The following ROCK1 variants were observed in gnomAD, a reference collection of about 807,000 sequenced individuals.
ROCK1 encodes rho-associated protein kinase 1.
A neutral mutation model predicts 196.8 loss-of-function variants in ROCK1; 36 were observed. The ratio of observed to expected loss-of-function variants is 0.18; its 90% CI spans 0.14 to 0.24. The LOEUF (loss-of-function observed/expected upper bound fraction) is 0.24, where lower values mean the gene tolerates loss of function less well. Ranked by LOEUF, ROCK1 falls within the 10% of genes least tolerant of loss-of-function variation. The pLI is 1.00. For missense variants in ROCK1, 920 were observed against 1,562.0 expected (o/e 0.59, Z 6.93); for synonymous variants, 443 against 515.9 (o/e 0.86, Z 1.91).
chr18:21,044,057 C>G (rs925245740), intron 6 of ROCK1, 45 bp downstream of exon 6: 2 of 1,172,070 alleles, frequency 1.7e-6, no homozygotes, highest in African/African-American at 3.1e-5. Flanking sequence ...AAAGAAGCAT[C>G]TACCTTGAAT....
chr18:21,035,342 G>C (rs146211613), intron 9 of ROCK1, among the ~76,000 whole-genome samples: 266 of 152,254 alleles, frequency 1.7e-3, no homozygotes, highest in Non-Finnish European at 2.6e-3. Flanking sequence ...CAAATGTTGT[G>C]AATGTTATGG....
intron 2 of ROCK1, among the ~76,000 whole-genome samples, chr18:21,053,275 C>T (rs185269215): frequency 2.6e-5 from 4 of 151,690 alleles, no homozygotes; most frequent in African/African-American, 7.3e-5. Flanking sequence ...AACATTGCAG[C>T]CTCTTTTTTT....
chr18:21,067,132 G>A (rs1048984754), intron 2 of ROCK1, among the ~76,000 whole-genome samples: 5 of 152,066 alleles, frequency 3.3e-5, no homozygotes, highest in Admixed American at 6.5e-5. Context: ...AGGTGTACTA[G>A]TATCTTATTG....
intron 16 of ROCK1, among the ~76,000 whole-genome samples, chr18:20,996,105 A>G (rs577867366): frequency 6.6e-6 from 1 of 152,310 alleles, no homozygotes; most frequent in African/African-American, 2.4e-5. Flanking sequence ...AGACAGAGAT[A>G]TAAGACCTTT....
rs933735560 is a variant in ROCK1, at chr18:21,024,724, T to C, written c.1212-1044A>G. ...AAACATACACAGTACAATGGTACTA[T>C]AAAAGAAACAGCTAGAAATATGCCA... On this transcript the variant is annotated intron_variant, in intron 10 of 32. Transcript: ENST00000399799. Among the ~76,000 whole-genome samples the C allele has an allele frequency of 2.0e-5, 3 of 152,338 alleles. No individual in the cohort carries two copies. The South Asian group carries it at 6.2e-4, about 32-fold the overall frequency.
At chr18:21,080,418 T>C (rs953069723) in intron 1 of ROCK1, among the ~76,000 whole-genome samples, 1 of 152,064 alleles carries the variant, frequency 6.6e-6, no homozygotes, top group African/African-American at 2.4e-5. Flanking sequence ...AAATTATATA[T>C]GACCAAAATG....
intron 3 of ROCK1, 120 bp from the exon 4 acceptor site, chr18:21,049,349 GTTA>G: frequency 1.3e-6 from 1 of 762,738 alleles, no homozygotes. Context: ...TACTGTTTCA[GTTA>G]TTTTTATTTC....
intron 1 of ROCK1, among the ~76,000 whole-genome samples, chr18:21,103,173 A>T (rs1436190538): frequency 6.6e-6 from 1 of 152,170 alleles, no homozygotes; most frequent in East Asian, 1.9e-4. Flanking sequence ...TAGATATACA[A>T]ATAAAAAATT....
chr18:20,992,039 C>CA (rs774712834), intron 17 of ROCK1, among the ~76,000 whole-genome samples: 3 of 152,132 alleles, frequency 2.0e-5, no homozygotes, highest in East Asian at 1.9e-4. Context: ...AAAAAACAAA[C>CA]AAAAAAACCC....
chr18:21,072,111 A>G (rs1453949748), intron 1 of ROCK1, among the ~76,000 whole-genome samples: 3 of 152,220 alleles, frequency 2.0e-5, no homozygotes, highest in East Asian at 3.8e-4. Flanking sequence ...CCCTTCCCCA[A>G]TGCAGTAATC....
At chr18:21,109,321 A>G (rs1187055449) in intron 1 of ROCK1, among the ~76,000 whole-genome samples, 2 of 152,212 alleles carry the variant, frequency 1.3e-5, no homozygotes, top group East Asian at 1.9e-4. Flanking sequence ...AAGCTATAGC[A>G]AGAGGCCAGA....
At chr18:20,979,877 A>G (rs1479860041) in intron 22 of ROCK1, 33 bp downstream of exon 22, 2 of 1,512,696 alleles carry the variant, frequency 1.3e-6, no homozygotes, top group Non-Finnish European at 1.8e-6. Flanking sequence ...CTGTTGCAGT[A>G]CTGATTCTTG....
Position 21,016,360 on chromosome 18 carries a change from G to A in ROCK1, c.1362-881C>T, listed in dbSNP as rs563438160. Among the ~76,000 whole-genome samples, 9 of 152,112 alleles carry A rather than the reference G, an allele frequency of 5.9e-5. No individual in the cohort carries two copies. The South Asian group carries it at 1.5e-3, about 25-fold the overall frequency. On this transcript the variant is annotated intron_variant, in intron 12 of 32. Transcript: ENST00000399799. ...GGGAGGTCTATGGATTTCAGGTTAAGGATCCCTAAACTCCGTCATGCAATA... is the reference window on the plus strand; with the variant it reads ...GGGAGGTCTATGGATTTCAGGTTAAAGATCCCTAAACTCCGTCATGCAATA...
At chr18:20,965,064 T>C (rs1313917216) in intron 27 of ROCK1, among the ~76,000 whole-genome samples, 2 of 152,082 alleles carry the variant, frequency 1.3e-5, no homozygotes, top group African/African-American at 2.4e-5. Context: ...GGAATAAAAA[T>C]AAAATTGGTC....
intron 32 of ROCK1, 162 bp downstream of exon 32, chr18:20,953,412 TCTAA>T (rs2035209471): frequency 2.0e-6 from 1 of 495,636 alleles, no homozygotes; most frequent in South Asian, 2.5e-5. Context: ...ATTATTAAAC[TCTAA>T]CAAGAATAAG....
intron 21 of ROCK1, 35 bp from the exon 22 acceptor site, chr18:20,980,039 A>C: frequency 6.7e-7 from 1 of 1,486,926 alleles, no homozygotes; most frequent in Non-Finnish European, 8.9e-7. Flanking sequence ...ATAAGTGTTT[A>C]TGGTGGGTTA....
At position 21,111,366 on chromosome 18, in the gene ROCK1, T is replaced by C; in HGVS notation, c.-456A>G. ...AAAGCAAAGGGCGGGTGAGGAGCTGTGCCAGCTGCGGCCGCCGCTCGGGCC... is the reference window on the plus strand; with the variant it reads ...AAAGCAAAGGGCGGGTGAGGAGCTGCGCCAGCTGCGGCCGCCGCTCGGGCC... On this transcript the variant is annotated 5_prime_UTR_variant, in exon 1 of 33. Transcript: ENST00000399799. The surrounding 1 kb of genome is among the most constrained non-coding windows in gnomAD (Gnocchi z 4.2). 1 of 419,472 alleles carries C rather than the reference T, an allele frequency of 2.4e-6. No individual in the cohort carries two copies. The highest frequency in any genetic ancestry group is 4.2e-6 in the Non-Finnish European group (1 of 238,536). The allele number at this position is 419,472 out of a possible 1,614,324, so 26.0% of individuals were successfully genotyped here.
At chr18:20,962,837 G>T (rs2035339624) in intron 27 of ROCK1, among the ~76,000 whole-genome samples, 1 of 152,094 alleles carries the variant, frequency 6.6e-6, no homozygotes, top group African/African-American at 2.4e-5. Context: ...TTCCCTCAGA[G>T]AAGCAACTGA....
intron 12 of ROCK1, among the ~76,000 whole-genome samples, chr18:21,015,976 T>A (rs2035859539): frequency 3.3e-5 from 5 of 149,370 alleles, no homozygotes; most frequent in Admixed American, 3.3e-4. Flanking sequence ...TGAGACTCCA[T>A]CTCAAAAAAA....
Sources: allele counts gnomAD v4.1 joint callset (sites outside exome capture counted in the v4.1 genomes callset), GRCh38; gene constraint gnomAD v4.1.1; non-coding constraint Gnocchi (gnomAD v3.1); transcripts MANE v1.5; gene names NCBI Gene and HGNC (gene_info 2026-07-23, HGNC 2026-07-21).